PDIA6: variants seen among roughly 807,000 people sequenced by gnomAD.
PDIA6 encodes the protein protein disulfide isomerase family A member 6.
PDIA6 carries 29 observed loss-of-function variants against 58.4 expected under a neutral mutation model. That is an observed-to-expected ratio of 0.50 (90% CI 0.37 to 0.68). The LOEUF (loss-of-function observed/expected upper bound fraction) is 0.68. Ranked by LOEUF, PDIA6 falls within the 30% of genes least tolerant of loss-of-function variation. PDIA6 has a pLI of 0.00. For missense variants in PDIA6, 480 were observed against 551.0 expected (o/e 0.87, Z 1.29); for synonymous variants, 192 against 202.6 (o/e 0.95, Z 0.44).
intron 10 of PDIA6, 26 bp downstream of exon 10, chr2:10,788,671 C>T (rs1205096201): frequency 1.3e-6 from 2 of 1,515,436 alleles, no homozygotes; most frequent in Non-Finnish European, 1.8e-6. Flanking sequence ...TCAGATGACA[C>T]TCAGACAGTA....
chr2:10,795,309 G>A (rs1666218362), intron 4 of PDIA6, among the ~76,000 whole-genome samples: 1 of 152,154 alleles, frequency 6.6e-6, no homozygotes, highest in African/African-American at 2.4e-5. Flanking sequence ...TATAAAAACA[G>A]CAGCAGACTG....
At chr2:10,827,919 T>C (rs1441449330) in intron 1 of PDIA6, among the ~76,000 whole-genome samples, 2 of 152,240 alleles carry the variant, frequency 1.3e-5, no homozygotes, top group Non-Finnish European at 2.9e-5. Flanking sequence ...ATTTTTTTAA[T>C]GCAATGTAAT....
At chr2:10,812,558 C>G in intron 1 of PDIA6, 120 bp downstream of exon 1, 1 of 1,047,706 alleles carries the variant, frequency 9.5e-7, no homozygotes, top group Non-Finnish European at 1.3e-6. Flanking sequence ...CCGCGCCTCC[C>G]GCCCGCCAGG....
Position 10,810,542 on chromosome 2 carries a change from T to G in PDIA6, c.19+2136A>C, listed in dbSNP as rs150461071. On this transcript the variant is annotated intron_variant, in intron 1 of 12. Transcript: ENST00000272227. ...GGGTTATTCTTTTTTCTAGTAATGG[T>G]GAGGGACCTTTGTTTGTCTTTAAAT... is the stretch of plus-strand genomic sequence containing the variant. 2.7e-3 allele frequency: 2,195 copies of G among 825,294 alleles called. 9 individuals carry two copies. The highest frequency in any genetic ancestry group is 5.5e-3 in the Admixed American group (117 of 21,128). The allele number at this position is 825,294 out of a possible 1,614,324, so 51.1% of individuals were successfully genotyped here.
chr2:10,828,485 C>G (rs536495217), intron 1 of PDIA6, among the ~76,000 whole-genome samples: 13 of 152,292 alleles, frequency 8.5e-5, no homozygotes, highest in African/African-American at 3.1e-4. Flanking sequence ...GGCCCACGAC[C>G]CTGAGACCAG....
upstream of PDIA6, among the ~76,000 whole-genome samples, chr2:10,817,019 C>T (rs1667217279): frequency 6.6e-6 from 1 of 152,216 alleles, no homozygotes; most frequent in Non-Finnish European, 1.5e-5. Context: ...AACCTACTGC[C>T]TCCTGTGAGA....
rs755652732 is a variant in PDIA6, at chr2:10,812,699, C to G, written c.-3G>C. On this transcript the variant is annotated 5_prime_UTR_variant, in exon 1 of 13. Coordinates refer to ENST00000272227, the MANE Select transcript of PDIA6 (RefSeq NM_005742.4). ...CTACCGAGCACCAGGAGAGCCATGCCGAGCGCCGGGCTACGTGCAGTCCCC... is the reference window on the plus strand; with the variant it reads ...CTACCGAGCACCAGGAGAGCCATGCGGAGCGCCGGGCTACGTGCAGTCCCC... 1.3e-6 allele frequency: 2 copies of G among 1,529,502 alleles called. No individual in the cohort carries two copies. The highest frequency in any genetic ancestry group is 1.8e-6 in the Non-Finnish European group (2 of 1,141,054). 94.7% of individuals were successfully genotyped at this position (1,529,502 alleles called of 1,614,324 possible). A position where few individuals can be genotyped will look rare whatever the true frequency, so the allele number is the denominator to read the frequency against.
intron 11 of PDIA6, among the ~76,000 whole-genome samples, chr2:10,786,097 T>A (rs185406461): frequency 6.6e-6 from 1 of 151,788 alleles, no homozygotes; most frequent in Non-Finnish European, 1.5e-5. Context: ...CTGAGGTGGG[T>A]GGATCACTTG....
chr2:10,787,935 G>A (rs1029335144), intron 10 of PDIA6, among the ~76,000 whole-genome samples: 9 of 152,042 alleles, frequency 5.9e-5, no homozygotes, highest in Non-Finnish European at 1.2e-4. Flanking sequence ...GCATGGTGGC[G>A]TGCGCCTGTA....
chr2:10,825,404 G>T (rs943504991), intron 1 of PDIA6, among the ~76,000 whole-genome samples: 3 of 152,016 alleles, frequency 2.0e-5, no homozygotes, highest in African/African-American at 4.8e-5. Flanking sequence ...ATGGATTCTT[G>T]AAAAAGTTTA....
chr2:10,833,607 A>C (rs1253117396), upstream of PDIA6, among the ~76,000 whole-genome samples: 1 of 152,202 alleles, frequency 6.6e-6, no homozygotes, highest in African/African-American at 2.4e-5. Flanking sequence ...AAGTTTCCAG[A>C]GTGCCAGTAT....
At chr2:10,822,501 A>T (rs1331727682) in intron 1 of PDIA6, among the ~76,000 whole-genome samples, 1 of 152,054 alleles carries the variant, frequency 6.6e-6, no homozygotes, top group Non-Finnish European at 1.5e-5. Context: ...TGACCTCGTG[A>T]TCCACCCGCC....
At chr2:10,811,289 G>T (rs753330242) in intron 1 of PDIA6, among the ~76,000 whole-genome samples, 12 of 152,162 alleles carry the variant, frequency 7.9e-5, no homozygotes, top group Non-Finnish European at 1.6e-4. Flanking sequence ...CAGGATTTTG[G>T]GAGGTTGAGG....
intron 4 of PDIA6, among the ~76,000 whole-genome samples, chr2:10,796,872 G>A (rs1306129293): frequency 6.6e-6 from 1 of 152,206 alleles, no homozygotes; most frequent in Non-Finnish European, 1.5e-5. Context: ...ATAGACCTAA[G>A]CAAGCGTTAA....
intron 1 of PDIA6, among the ~76,000 whole-genome samples, chr2:10,808,322 G>A (rs1666846911): frequency 6.6e-6 from 1 of 152,228 alleles, no homozygotes; most frequent in Non-Finnish European, 1.5e-5. Context: ...CTACTGATTG[G>A]ATTTAGTGAC....
chr2:10,796,852 C>T (rs1461864149), intron 4 of PDIA6, among the ~76,000 whole-genome samples: 1 of 152,146 alleles, frequency 6.6e-6, no homozygotes, highest in Non-Finnish European at 1.5e-5. Flanking sequence ...TCTATCATTG[C>T]CAATGTAGCA....
chr2:10,804,261 A>G (rs1401160085), intron 1 of PDIA6, among the ~76,000 whole-genome samples: 1 of 149,410 alleles, frequency 6.7e-6, no homozygotes, highest in Non-Finnish European at 1.5e-5. Context: ...AACTTTAAAA[A>G]CGAAAAAAAC....
At chr2:10,823,855 T>G (rs1273790095) in intron 1 of PDIA6, among the ~76,000 whole-genome samples, 2 of 148,918 alleles carry the variant, frequency 1.3e-5, no homozygotes, top group African/African-American at 4.9e-5. Flanking sequence ...AAGGTTATAC[T>G]CCCTCCCTGG....
At chr2:10,810,319 T>C (rs2148563841) in intron 1 of PDIA6, 1 of 1,531,948 alleles carries the variant, frequency 6.5e-7, no homozygotes, top group Non-Finnish European at 8.7e-7. Flanking sequence ...CCACAGAGCA[T>C]CATTAGGTAG....
Sources: allele counts gnomAD v4.1 joint callset (sites outside exome capture counted in the v4.1 genomes callset), GRCh38; gene constraint gnomAD v4.1.1; transcripts MANE v1.5; gene names NCBI Gene and HGNC (gene_info 2026-07-23, HGNC 2026-07-21).